DMD: variants seen among roughly 807,000 people sequenced by gnomAD.
DMD encodes the protein dystrophin, also known as mutant dystrophin.
A neutral mutation model predicts 330.1 loss-of-function variants in DMD; 63 were observed. The observed-to-expected ratio is 0.19, with a 90% CI of 0.16 to 0.24. The LOEUF is 0.24. DMD is among the 10% of genes least tolerant of loss of function. The pLI, the probability that DMD is intolerant of heterozygous loss-of-function variation, is 1.00. For synonymous variants in DMD, 1,223 were observed against 959.8 expected (o/e 1.27, Z -5.07); for missense variants, 3,344 against 2,684.1 (o/e 1.25, Z -5.43).
At chrX:32,491,954 T>A (rs1645007935) in intron 19 of DMD, among the ~76,000 whole-genome samples, 1 of 111,856 alleles carries the variant, frequency 8.9e-6, no homozygotes, top group African/African-American at 3.2e-5. Context: ...AAAATGGGCT[T>A]GGAAATTAGT....
At chrX:32,179,083 C>T (rs1388702676) in intron 44 of DMD, among the ~76,000 whole-genome samples, 2 of 108,712 alleles carry the variant, frequency 1.8e-5, no homozygotes, top group Non-Finnish European at 3.8e-5. Context: ...TTGTCTGGTG[C>T]CAGACTGTTT....
chrX:32,718,627 A>G (rs1264434651), intron 7 of DMD, among the ~76,000 whole-genome samples: 1 of 112,050 alleles, frequency 8.9e-6, no homozygotes, highest in Non-Finnish European at 1.9e-5. Flanking sequence ...ATGTCATTGG[A>G]TATATTACTT....
intron 60 of DMD, among the ~76,000 whole-genome samples, chrX:31,380,676 C>T (rs1212484599): frequency 9.0e-6 from 1 of 111,102 alleles, no homozygotes; most frequent in Non-Finnish European, 1.9e-5. Context: ...CCTATCAACC[C>T]TGTGGTGCCA....
intron 44 of DMD, among the ~76,000 whole-genome samples, chrX:32,168,637 C>T (rs1418615481): frequency 9.3e-6 from 1 of 107,989 alleles, no homozygotes; most frequent in Non-Finnish European, 1.9e-5. Context: ...GGAATAATAA[C>T]AAACTGTTAC....
intron 11 of DMD, among the ~76,000 whole-genome samples, chrX:32,626,134 A>G (rs2058329842): frequency 8.9e-6 from 1 of 112,288 alleles, no homozygotes; most frequent in Non-Finnish European, 1.9e-5. Flanking sequence ...AGAAACTAAA[A>G]TTGTACTGAT....
intron 2 of DMD, among the ~76,000 whole-genome samples, chrX:32,860,095 T>G: frequency 8.9e-6 from 1 of 111,850 alleles, no homozygotes; most frequent in Non-Finnish European, 1.9e-5. Context: ...TCCTTTTTAG[T>G]ATGAAATAAA....
chrX:31,420,727 C>T (rs1219721044), intron 60 of DMD, among the ~76,000 whole-genome samples: 5 of 112,274 alleles, frequency 4.5e-5, no homozygotes, highest in Non-Finnish European at 7.5e-5. Context: ...TGAATGAGTG[C>T]CCACAGGAAT....
chrX:31,985,133 A>G (rs2095501048), intron 44 of DMD, among the ~76,000 whole-genome samples: 2 of 112,373 alleles, frequency 1.8e-5, no homozygotes, highest in Admixed American at 9.4e-5. Context: ...GAGAATTCAT[A>G]AACATAGAAA....
intron 60 of DMD, among the ~76,000 whole-genome samples, chrX:31,441,760 T>G (rs2064973866): frequency 8.9e-6 from 1 of 112,308 alleles, no homozygotes; most frequent in Non-Finnish European, 1.9e-5. Context: ...CAACAGGATG[T>G]ATGAATTGCT....
intron 45 of DMD, among the ~76,000 whole-genome samples, chrX:31,938,380 T>C (rs1212869838): frequency 8.9e-6 from 1 of 112,053 alleles, no homozygotes; most frequent in Non-Finnish European, 1.9e-5. Flanking sequence ...ATAGAAACTT[T>C]AGAAAATGGA....
chrX:33,171,638 T>C (rs929307588), intron 1 of DMD, among the ~76,000 whole-genome samples: 3 of 111,529 alleles, frequency 2.7e-5, no homozygotes, highest in Non-Finnish European at 3.8e-5. Context: ...AGGTACCCTG[T>C]CTTATACTTT....
At chrX:32,502,470 G>A (rs1260678042) in intron 18 of DMD, among the ~76,000 whole-genome samples, 1 of 111,363 alleles carries the variant, frequency 9.0e-6, no homozygotes, top group African/African-American at 3.3e-5. Flanking sequence ...AACCACAAAT[G>A]CAAAATTATT....
rs191168775 is a variant in DMD, at chrX:32,807,330, G to A, written c.649+2163C>T. Among the ~76,000 whole-genome samples, 124 of 110,096 alleles carry A rather than the reference G, an allele frequency of 1.1e-3. 1 individual carries two copies. The highest frequency in any genetic ancestry group is 3.9e-3 in the African/African-American group (119 of 30,315). ...CAGAGAATACTACAAACACCTCTAC[G>A]CAAATAAACAGGAAACCTGTTTAAG... On this transcript the variant is annotated intron_variant, in intron 7 of 78. Coordinates refer to ENST00000357033, the MANE Select transcript of DMD (RefSeq NM_004006.3).
intron 59 of DMD, among the ~76,000 whole-genome samples, chrX:31,459,237 G>T (rs1322872040): frequency 9.0e-6 from 1 of 111,696 alleles, no homozygotes; most frequent in Non-Finnish European, 1.9e-5. Context: ...AGTTAAATGG[G>T]TATTATTTAA....
In DMD at chrX:32,122,512, T is replaced by C. The variant is rs370064447; in HGVS notation, c.6438+94404A>G. 2.7e-5 allele frequency among the ~76,000 whole-genome samples: 3 copies of C among 111,847 alleles called. No individual in the cohort carries two copies. The East Asian group carries it at 8.4e-4, about 31-fold the overall frequency. On this transcript the variant is annotated intron_variant, in intron 44 of 78. Transcript: ENST00000357033. ...TACAGCTTTTATCAAGCTGCCCAGA[T>C]GATTCTGTAAGGTGTTATCTGGATT...
At chrX:32,048,139 C>A (rs2096076473) in intron 44 of DMD, among the ~76,000 whole-genome samples, 1 of 96,898 alleles carries the variant, frequency 1.0e-5, no homozygotes, top group Non-Finnish European at 2.1e-5. Flanking sequence ...GATATAATGC[C>A]AGGCATCCTA....
chrX:33,305,184 T>C (rs1444046015), intron 1 of DMD, among the ~76,000 whole-genome samples: 4 of 105,747 alleles, frequency 3.8e-5, no homozygotes, highest in African/African-American at 1.4e-4. Context: ...CCAACAATGA[T>C]AGACTGGATT....
intron 1 of DMD, among the ~76,000 whole-genome samples, chrX:33,116,209 C>T (rs939817900): frequency 2.8e-5 from 3 of 108,032 alleles, no homozygotes; most frequent in Non-Finnish European, 3.8e-5. Flanking sequence ...ACCAAAACAA[C>T]GACAAAAAAC....
chrX:31,689,660 A>C (rs1180932313), intron 52 of DMD, among the ~76,000 whole-genome samples: 2 of 111,426 alleles, frequency 1.8e-5, no homozygotes, highest in Non-Finnish European at 3.8e-5. Flanking sequence ...CCACATTGCC[A>C]AGACAATCCT....
Sources: allele counts gnomAD v4.1 joint callset (sites outside exome capture counted in the v4.1 genomes callset), GRCh38; gene constraint gnomAD v4.1.1; transcripts MANE v1.5; gene names NCBI Gene and HGNC (gene_info 2026-07-23, HGNC 2026-07-21).